The following RFWD3 variants were observed in gnomAD, a reference collection of about 807,000 sequenced individuals.
RFWD3 encodes ring finger and WD repeat domain 3, also known as E3 ubiquitin-protein ligase RFWD3.
Under a neutral mutation model 87.7 loss-of-function variants are expected in RFWD3, and 65 were observed. The observed-to-expected ratio is 0.74, with a 90% CI of 0.61 to 0.91. The LOEUF (loss-of-function observed/expected upper bound fraction) is 0.91. Among genes scored for constraint, RFWD3 ranks in the 40% least tolerant of loss-of-function variants. The pLI, the probability that RFWD3 is intolerant of heterozygous loss-of-function variation, is 0.00. For synonymous variants in RFWD3, 433 were observed against 352.8 expected (o/e 1.23, Z -2.55); for missense variants, 1,078 against 938.5 (o/e 1.15, Z -1.94).
At chr16:74,624,185 C>CA in intron 12 of RFWD3, 114 bp from the exon 13 acceptor site, 5 of 1,264,426 alleles carry the variant, frequency 4.0e-6, no homozygotes, top group Non-Finnish European at 5.4e-6. Flanking sequence ...ACCTGGAGAG[C>CA]AAAGCAGGCT....
chr16:74,636,993 G>C (rs1023755612), intron 7 of RFWD3, among the ~76,000 whole-genome samples: 1 of 151,938 alleles, frequency 6.6e-6, no homozygotes, highest in African/African-American at 2.4e-5. Flanking sequence ...GATTACAGGC[G>C]TGAGCCACCG....
intron 7 of RFWD3, among the ~76,000 whole-genome samples, chr16:74,637,352 G>A (rs897402296): frequency 1.3e-5 from 2 of 152,072 alleles, no homozygotes; most frequent in African/African-American, 4.8e-5. Context: ...GTAAGGCCAG[G>A]TGCAGTGCTC....
intron 6 of RFWD3, among the ~76,000 whole-genome samples, chr16:74,640,724 G>C (rs1959560889): frequency 6.6e-6 from 1 of 151,732 alleles, no homozygotes; most frequent in African/African-American, 2.4e-5. Context: ...TGGATCACGA[G>C]GTCAGGAGTT....
chr16:74,637,749 A>G (rs962745511), intron 7 of RFWD3, 107 bp downstream of exon 7: 47 of 791,562 alleles, frequency 5.9e-5, no homozygotes, highest in Non-Finnish European at 9.0e-5. Context: ...TTCATTTCCT[A>G]AACAACTTGG....
Position 74,626,386 on chromosome 16 carries a change from T to C in RFWD3, c.2138A>G (p.Asn713Ser), listed in dbSNP as rs763237873. 1 of 1,614,234 alleles carries C rather than the reference T, an allele frequency of 6.2e-7. No individual in the cohort carries two copies. Among genetic ancestry groups the C allele is most frequent in the Non-Finnish European group, 8.5e-7 (1 of 1,180,034 alleles). Residue 713 changes from asparagine (N) to serine (S), a missense_variant, in exon 12 of 13, where the codon AAC becomes AGC. By Grantham distance (46) the Asn-to-Ser change is conservative. Transcript: ENST00000361070. ...AIFQSPENDGNILVCTGDEAA... is the reference protein window; with the variant it reads ...AIFQSPENDGSILVCTGDEAA... The stretch of plus-strand genomic sequence containing the variant: ...TTCATCCCCAGTACACACCAGGATG[T>C]TGCCATCATTCTCTGGGCTTTGGAA...
At position 74,661,481 on chromosome 16, in the gene RFWD3, A is replaced by T. The variant is rs779596485; in HGVS notation, c.-2-30T>A. On this transcript the variant is annotated intron_variant, in intron 1 of 12. Coordinates refer to ENST00000361070, the MANE Select transcript of RFWD3 (RefSeq NM_018124.4). ...AGAAACAGTATTTGTAAAAAGTATT[A>T]ATAAAATAGATAAAACATGCTATGT... 2.0e-6 allele frequency: 3 copies of T among 1,529,326 alleles called. No homozygotes were observed. In the African/African-American group the frequency reaches 4.2e-5, roughly 21 times the overall value. 94.7% of individuals were successfully genotyped at this position (1,529,326 alleles called of 1,614,324 possible).
chr16:74,660,692 C>T, intron 2 of RFWD3: 1 of 441,872 alleles, frequency 2.3e-6, no homozygotes, highest in African/African-American at 2.0e-5. Flanking sequence ...TGAACAACAG[C>T]CAATCTCTAC....
chr16:74,630,004 A>C (rs1355997731), intron 10 of RFWD3, among the ~76,000 whole-genome samples: 2 of 152,222 alleles, frequency 1.3e-5, no homozygotes, highest in African/African-American at 4.8e-5. Flanking sequence ...GGTATCTTCA[A>C]ACAAGTTGGT....
At chr16:74,654,800 T>C (rs1960838370) in intron 2 of RFWD3, among the ~76,000 whole-genome samples, 1 of 152,190 alleles carries the variant, frequency 6.6e-6, no homozygotes, top group Admixed American at 6.5e-5. Flanking sequence ...GCCTTATTGC[T>C]GATATGGAGA....
chr16:74,635,756 T>G (rs1959191129), intron 8 of RFWD3, among the ~76,000 whole-genome samples: 1 of 152,224 alleles, frequency 6.6e-6, no homozygotes, highest in Non-Finnish European at 1.5e-5. Flanking sequence ...AGAAATCTTA[T>G]GCTAAAGACA....
At chr16:74,655,975 A>G (rs1338513630) in intron 2 of RFWD3, among the ~76,000 whole-genome samples, 1 of 152,230 alleles carries the variant, frequency 6.6e-6, no homozygotes, top group African/African-American at 2.4e-5. Context: ...CAATGCACCC[A>G]GTAAACCAAG....
intron 2 of RFWD3, 118 bp from the exon 3 acceptor site, chr16:74,652,240 G>A: frequency 1.2e-6 from 1 of 856,620 alleles, no homozygotes; most frequent in Non-Finnish European, 1.8e-6. Context: ...ATTAAATGCT[G>A]CCTTTGAAAG....
chr16:74,645,991 G>A (rs750820411), intron 4 of RFWD3, among the ~76,000 whole-genome samples: 29 of 151,888 alleles, frequency 1.9e-4, no homozygotes, highest in Non-Finnish European at 3.8e-4. Flanking sequence ...CTCGCGATCC[G>A]TCCGCCTTGG....
rs536456975 is a variant in RFWD3, at chr16:74,635,562, C to T, written c.1426+784G>A. ...AAATCAACACCAGCACACTATCAAG[C>T]GGACTGGAATGGACACGTTAAGAAA... On this transcript the variant is annotated intron_variant, in intron 8 of 12. Transcript: ENST00000361070. Among the ~76,000 whole-genome samples, 131 of 151,946 alleles carry T rather than the reference C, an allele frequency of 8.6e-4. No homozygotes were observed. In the Middle Eastern group the frequency reaches 0.01, roughly 12 times the overall value.
chr16:74,651,855 G>T, intron 3 of RFWD3, 65 bp downstream of exon 3: 2 of 1,417,548 alleles, frequency 1.4e-6, no homozygotes, highest in Middle Eastern at 2.3e-4. Context: ...CTAGTTTCTA[G>T]CCTTCCGAAA....
intron 1 of RFWD3, among the ~76,000 whole-genome samples, chr16:74,664,161 G>C (rs957888294): frequency 6.6e-6 from 1 of 152,112 alleles, no homozygotes; most frequent in South Asian, 2.1e-4. Flanking sequence ...ACGTTGCCTA[G>C]GCTGGTCTTC....
At chr16:74,634,378 TTATA>T (rs61457427) in intron 8 of RFWD3, among the ~76,000 whole-genome samples, 26 of 147,576 alleles carry the variant, frequency 1.8e-4, no homozygotes, top group Admixed American at 2.7e-4. Context: ...ACTAAGTACT[TTATA>T]TATATATATA....
intron 8 of RFWD3, among the ~76,000 whole-genome samples, chr16:74,635,505 A>T (rs749992129): frequency 6.6e-6 from 1 of 151,950 alleles, no homozygotes; most frequent in Non-Finnish European, 1.5e-5. Context: ...ACAGAAATAC[A>T]CACCGAGTTA....
chr16:74,645,985 C>T (rs36083956), intron 4 of RFWD3, among the ~76,000 whole-genome samples: 18,993 of 150,274 alleles, frequency 0.13, 1,441 homozygotes, highest in Admixed American at 0.24. Flanking sequence ...CCTGACCTCG[C>T]GATCCGTCCG....
Sources: gnomAD v4.1 joint callset for allele counts (sites outside exome capture counted in the v4.1 genomes callset) on GRCh38, gnomAD v4.1.1 for gene constraint, MANE v1.5 for transcripts, NCBI Gene and HGNC (gene_info 2026-07-23, HGNC 2026-07-21) for gene names.